Variants in DNAH3 observed in about 807,000 individuals in gnomAD.
DNAH3 encodes axonemal beta dynein heavy chain 3.
A neutral mutation model predicts 432.5 loss-of-function variants in DNAH3; 332 were observed. The observed-to-expected ratio is 0.77, with a 90% CI of 0.70 to 0.84. The LOEUF (loss-of-function observed/expected upper bound fraction) is 0.84. DNAH3 is among the 40% of genes least tolerant of loss of function. The probability of loss-of-function intolerance (pLI) is 0.00; values close to 1 mark genes in which losing one functional copy is unlikely to be tolerated. For synonymous variants in DNAH3, 1,956 were observed against 1,900.2 expected (o/e 1.03, Z -0.76); for missense variants, 4,861 against 5,114.0 (o/e 0.95, Z 1.51).
At chr16:21,039,214 CTT>C (rs200708542) in intron 33 of DNAH3, among the ~76,000 whole-genome samples, 1 of 125,986 alleles carries the variant, frequency 7.9e-6, no homozygotes, top group Non-Finnish European at 1.6e-5. Flanking sequence ...TATAGTGTTG[CTT>C]TTTTTTTTTT....
chr16:21,035,623 C>T (rs1026226365), intron 35 of DNAH3, among the ~76,000 whole-genome samples: 5 of 151,882 alleles, frequency 3.3e-5, no homozygotes, highest in East Asian at 1.9e-4. Flanking sequence ...GAATGTTCTG[C>T]GTACGTTTCG....
At chr16:20,968,137 C>T (rs922872175) in intron 52 of DNAH3, among the ~76,000 whole-genome samples, 4 of 152,186 alleles carry the variant, frequency 2.6e-5, no homozygotes, top group Admixed American at 6.5e-5. Flanking sequence ...GGCAGGATCA[C>T]GGCTCACTGC....
Position 21,123,330 on chromosome 16 carries a change from G to T in DNAH3, c.1405-1206C>A, listed in dbSNP as rs73548256. On this transcript the variant is annotated intron_variant, in intron 9 of 61. Coordinates refer to ENST00000261383, the Ensembl canonical transcript of DNAH3. ...AGCTGTAAAGTACTTCTTACATAGA[G>T]ATTTCTAGATCCATTTAAAGATGAC... 2.6e-3 allele frequency among the ~76,000 whole-genome samples: 395 copies of T among 152,224 alleles called. 1 individual carries two copies. Among genetic ancestry groups the T allele is most frequent in the African/African-American group, 8.6e-3 (358 of 41,540 alleles).
intron 44 of DNAH3, among the ~76,000 whole-genome samples, chr16:20,989,055 T>C (rs1024819029): frequency 2.6e-5 from 4 of 152,204 alleles, no homozygotes; most frequent in Admixed American, 2.0e-4. Context: ...CAGTAAGATT[T>C]ACTGCAAAGA....
At chr16:20,956,132 T>G (rs1383555961) in intron 54 of DNAH3, among the ~76,000 whole-genome samples, 1 of 152,104 alleles carries the variant, frequency 6.6e-6, no homozygotes, top group Non-Finnish European at 1.5e-5. Flanking sequence ...TTCACCATGA[T>G]AGCCAGGCTG....
exon 29 of DNAH3, chr16:21,051,798 C>T: frequency 1.2e-6 from 2 of 1,614,058 alleles, no homozygotes; most frequent in Non-Finnish European, 1.7e-6. Flanking sequence ...AGTAGCGCAG[C>T]TGTGAGATCC....
At chr16:20,957,466 G>A (rs959879642) in intron 54 of DNAH3, among the ~76,000 whole-genome samples, 1 of 152,100 alleles carries the variant, frequency 6.6e-6, no homozygotes, top group Admixed American at 6.6e-5. Flanking sequence ...AAAACTGGCA[G>A]CAGGGTGCAT....
rs144158054 is a variant in DNAH3 at position 21,151,294 on chromosome 16, T to G, written c.118-5206A>C. 8.4e-3 allele frequency among the ~76,000 whole-genome samples: 1,256 copies of G among 150,196 alleles called. 16 individuals are homozygous for G. The highest frequency in any genetic ancestry group is 0.017 in the Middle Eastern group (5 of 286). ...GAGCGATTTGCATATAGTAGAAGGATAACTGATATTTTCCCAGTTTTTCCC... is the reference window on the plus strand; with the variant it reads ...GAGCGATTTGCATATAGTAGAAGGAGAACTGATATTTTCCCAGTTTTTCCC... On this transcript the variant is annotated intron_variant, in intron 1 of 61. Transcript: ENST00000261383.
chr16:20,975,079 C>T (rs2085524404), intron 51 of DNAH3, among the ~76,000 whole-genome samples, 154 bp downstream of exon 51: 1 of 150,962 alleles, frequency 6.6e-6, no homozygotes, highest in Non-Finnish European at 1.5e-5. Context: ...GATCCACCTC[C>T]CTTGGTCTCC....
chr16:21,069,457 A>C (rs774892984), exon 23 of DNAH3: 2 of 1,614,182 alleles, frequency 1.2e-6, no homozygotes, highest in Non-Finnish European at 1.7e-6. Context: ...CAACAATGCC[A>C]AATTTCCTCC....
intron 41 of DNAH3, among the ~76,000 whole-genome samples, chr16:21,005,326 T>C (rs899111518): frequency 5.0e-5 from 7 of 139,294 alleles, no homozygotes; most frequent in African/African-American, 1.8e-4. Context: ...CTCCCTCCCT[T>C]CCTTCCTTCT....
At chr16:20,933,420 T>C (rs779319520) in exon 62 of DNAH3, 1 of 1,614,174 alleles carries the variant, frequency 6.2e-7, no homozygotes, top group Non-Finnish European at 8.5e-7. Context: ...ATCGTTTTCC[T>C]GTCCCAACGG....
At chr16:21,140,676 G>T (rs749094797) in exon 5 of DNAH3, 1 of 1,614,038 alleles carries the variant, frequency 6.2e-7, no homozygotes, top group South Asian at 1.1e-5. Flanking sequence ...TTCTTCATGG[G>T]TGAGAAGATT....
At chr16:21,103,480 T>C (rs2091884876) in intron 16 of DNAH3, among the ~76,000 whole-genome samples, 1 of 152,044 alleles carries the variant, frequency 6.6e-6, no homozygotes, top group African/African-American at 2.4e-5. Context: ...ATCAATTCCT[T>C]CCATCAGGCT....
chr16:20,987,563 A>G, intron 46 of DNAH3, 115 bp from the exon 47 acceptor site: 1 of 1,537,048 alleles, frequency 6.5e-7, no homozygotes. Flanking sequence ...TAATGTTTAT[A>G]AAATGCTTAG....
At chr16:21,124,369 T>G (rs2092403871) in intron 9 of DNAH3, among the ~76,000 whole-genome samples, 1 of 152,218 alleles carries the variant, frequency 6.6e-6, no homozygotes, top group African/African-American at 2.4e-5. Context: ...AATTTTTCTT[T>G]AAATTTTCTT....
intron 61 of DNAH3, among the ~76,000 whole-genome samples, chr16:20,933,863 G>C (rs896347019): frequency 6.6e-6 from 1 of 152,190 alleles, no homozygotes; most frequent in Non-Finnish European, 1.5e-5. Context: ...AGACAGACTG[G>C]ATAAACAGTT....
intron 14 of DNAH3, 71 bp from the exon 15 acceptor site, chr16:21,106,745 G>A: frequency 2.4e-6 from 3 of 1,257,210 alleles, no homozygotes; most frequent in East Asian, 5.1e-5. Flanking sequence ...TGACTTTCTT[G>A]TAAGACTCCA....
At chr16:21,069,837 C>A (rs1363944461) in intron 22 of DNAH3, among the ~76,000 whole-genome samples, 1 of 152,160 alleles carries the variant, frequency 6.6e-6, no homozygotes, top group Non-Finnish European at 1.5e-5. Context: ...AGAATAATTA[C>A]AATAGTTATA....
Sources: allele counts gnomAD v4.1 joint callset (sites outside exome capture counted in the v4.1 genomes callset), GRCh38; gene constraint gnomAD v4.1.1; transcripts MANE v1.5; gene names NCBI Gene and HGNC (gene_info 2026-07-23, HGNC 2026-07-21).